Variants in MTO1 observed in about 807,000 individuals in gnomAD.
MTO1 encodes 5-taurinomethyluridine-[tRNA] synthase subunit MTO1, mitochondrial.
Under a neutral mutation model 71.6 loss-of-function variants are expected in MTO1, and 46 were observed. The observed-to-expected ratio is 0.64, with a 90% CI of 0.51 to 0.82. The LOEUF is 0.82. Ranked by LOEUF, MTO1 falls within the 40% of genes least tolerant of loss-of-function variation. MTO1 has a pLI of 0.00. For missense variants in MTO1, 773 were observed against 867.5 expected (o/e 0.89, Z 1.37); for synonymous variants, 297 against 312.1 (o/e 0.95, Z 0.51).
At chr6:73,500,551 T>A (rs1299422600) in intron 11 of MTO1, 23 bp from the exon 12 acceptor site, 1 of 1,604,396 alleles carries the variant, frequency 6.2e-7, no homozygotes, top group Non-Finnish European at 8.5e-7. Flanking sequence ...TCACTTAGTT[T>A]CTCTTGTGGT....
chr6:73,461,783 G>A lies in MTO1; in HGVS notation c.-72G>A. ...GCAAGATGGCCGCGCCCTGCAGATTGTCTCTTGTTGCGTAAGTTTTTTTGA... is the reference window on the plus strand; with the variant it reads ...GCAAGATGGCCGCGCCCTGCAGATTATCTCTTGTTGCGTAAGTTTTTTTGA... On this transcript the variant is annotated 5_prime_UTR_variant, in exon 1 of 12. Transcript: ENST00000498286. 1 of 1,506,914 alleles carries A rather than the reference G, an allele frequency of 6.6e-7. No homozygotes were observed. The highest frequency in any genetic ancestry group is 1.8e-5 in the Admixed American group (1 of 56,754). The allele number at this position is 1,506,914 out of a possible 1,614,324, so 93.3% of individuals were successfully genotyped here. A position where few individuals can be genotyped will look rare whatever the true frequency, so the allele number is the denominator to read the frequency against.
At chr6:73,486,730 C>T (rs1379725263) in intron 9 of MTO1, 3 of 260,502 alleles carry the variant, frequency 1.2e-5, no homozygotes, top group Non-Finnish European at 2.4e-5. Context: ...AAGAGTGAGA[C>T]TTCTCTCAAA....
intron 4 of MTO1, among the ~76,000 whole-genome samples, chr6:73,477,115 T>A (rs1275332167): frequency 1.4e-5 from 2 of 147,202 alleles, no homozygotes; most frequent in African/African-American, 5.0e-5. Flanking sequence ...CAGAAAAGAG[T>A]CCAGGCGCAG....
At chr6:73,494,305 T>C (rs1296917530) in intron 10 of MTO1, among the ~76,000 whole-genome samples, 29 of 151,760 alleles carry the variant, frequency 1.9e-4, no homozygotes, top group Non-Finnish European at 3.8e-4. Context: ...TGTTTTTTCA[T>C]GGGTGGAAAA....
In MTO1 at chr6:73,492,271, G is replaced by T. The variant is rs769091140; in HGVS notation, c.1675G>T (p.Asp559Tyr). The T allele has an allele frequency of 6.2e-7, 1 of 1,613,858 alleles. No homozygotes were observed. The change falls in exon 10 of 12, where the codon GAT (aspartate) becomes TAT (tyrosine). Residue 559 changes from aspartate (D) to tyrosine (Y), a missense_variant. Transcript: ENST00000498286. ...DVLKYEEVDMDSLAKAVPEPL... is the reference protein window; with the variant it reads ...DVLKYEEVDMYSLAKAVPEPL... ...TCTGAAGTATGAGGAAGTTGACATG[G>T]ATTCATTAGCCAAGGCTGTTCCAGA...
At chr6:73,488,408 A>G (rs998474225) in intron 9 of MTO1, among the ~76,000 whole-genome samples, 3 of 152,098 alleles carry the variant, frequency 2.0e-5, no homozygotes, top group Non-Finnish European at 4.4e-5. Flanking sequence ...CCTGGCCACA[A>G]TTAACTCTCC....
At chr6:73,490,439 C>A (rs142613407) in intron 9 of MTO1, among the ~76,000 whole-genome samples, 5 of 152,158 alleles carry the variant, frequency 3.3e-5, no homozygotes, top group African/African-American at 1.2e-4. Flanking sequence ...ATATTTAAGT[C>A]TTTAATCCAT....
At chr6:73,479,636 C>A in intron 4 of MTO1, 96 bp from the exon 5 acceptor site, 6 of 903,710 alleles carry the variant, frequency 6.6e-6, no homozygotes, top group South Asian at 1.7e-5. Flanking sequence ...AGTTTAGTGT[C>A]TATTAAAGTC....
chr6:73,496,874 G>GA (rs1365775548), intron 10 of MTO1, among the ~76,000 whole-genome samples: 1 of 151,730 alleles, frequency 6.6e-6, no homozygotes, highest in African/African-American at 2.4e-5. Flanking sequence ...CTAACATGGT[G>GA]AAAACCCATC....
intron 3 of MTO1, among the ~76,000 whole-genome samples, chr6:73,468,965 A>G (rs916031693): frequency 6.6e-6 from 1 of 151,522 alleles, no homozygotes; most frequent in Non-Finnish European, 1.5e-5. Flanking sequence ...CATGTACACA[A>G]CTTCCTTTAA....
At chr6:73,496,636 C>A (rs1241261588) in intron 10 of MTO1, among the ~76,000 whole-genome samples, 1 of 134,424 alleles carries the variant, frequency 7.4e-6, no homozygotes, top group African/African-American at 2.7e-5. Context: ...CCCCCTCCCC[C>A]CACCCCACAA....
At chr6:73,482,950 C>T (rs1001462819) in intron 9 of MTO1, among the ~76,000 whole-genome samples, 48 of 151,904 alleles carry the variant, frequency 3.2e-4, no homozygotes, top group African/African-American at 1.1e-3. Context: ...TGCCACCGCG[C>T]CCGGCTAATT....
chr6:73,476,912 T>G (rs9446909), intron 4 of MTO1, among the ~76,000 whole-genome samples: 10,134 of 151,588 alleles, frequency 0.067, 462 homozygotes, highest in East Asian at 0.19. Context: ...CTCAGCCTCC[T>G]CAGTAGCCGG....
At chr6:73,486,696 C>T (rs1771663065) in intron 9 of MTO1, 7 of 344,538 alleles carry the variant, frequency 2.0e-5, no homozygotes, top group South Asian at 1.5e-4. Flanking sequence ...CGAGATCAAG[C>T]CATTGCACCC....
In MTO1 at chr6:73,502,583, T is replaced by C. The variant is rs1450765423; in HGVS notation, c.*1848T>C. 1 of 151,438 alleles carries C rather than the reference T, an allele frequency of 6.6e-6. No homozygotes were observed. Among genetic ancestry groups the C allele is most frequent in the Non-Finnish European group, 1.5e-5 (1 of 68,000 alleles). 9.4% of individuals were successfully genotyped at this position (151,438 alleles called of 1,614,324 possible). A position where few individuals can be genotyped will look rare whatever the true frequency, so the allele number is the denominator to read the frequency against. ...TGAATGGAGTGCCTTTTGAATAGAA[T>C]ATAACAAAAATTTATCTTAAAGAAA... On this transcript the variant is annotated 3_prime_UTR_variant, in exon 12 of 12. Transcript: ENST00000498286.
Position 73,470,141 on chromosome 6 carries a change from T to C in MTO1, c.536-3224T>C, listed in dbSNP as rs1049322372. 1.4e-4 allele frequency among the ~76,000 whole-genome samples: 21 copies of C among 152,308 alleles called. 1 individual carries two copies. The highest frequency in any genetic ancestry group is 5.1e-4 in the African/African-American group (21 of 41,574). ...CACTAGCGTTCTGGGAACAAAATGG[T>C]AAGAGAGGCTGTGCCAGGGAGTGTC... On this transcript the variant is annotated intron_variant, in intron 3 of 11. Transcript: ENST00000498286.
chr6:73,506,421 A>G lies in MTO1; in HGVS notation c.*5686A>G, dbSNP rs1235500078. The G allele has an allele frequency of 2.6e-5, 4 of 152,240 alleles. No homozygotes were observed. Among genetic ancestry groups the G allele is most frequent in the African/African-American group, 9.7e-5 (4 of 41,406 alleles). The allele number at this position is 152,240 out of a possible 1,614,324, so 9.4% of individuals were successfully genotyped here. A position where few individuals can be genotyped will look rare whatever the true frequency, so the allele number is the denominator to read the frequency against. ...AATTGAATCACAAGGGCCGGTTTTT[A>G]CCATGCTTTCTTGTGATAGTGAATA... is the stretch of plus-strand genomic sequence containing the variant. On this transcript the variant is annotated 3_prime_UTR_variant, in exon 12 of 12. Transcript: ENST00000498286.
intron 11 of MTO1, among the ~76,000 whole-genome samples, chr6:73,499,764 A>G (rs1454223535): frequency 6.6e-6 from 1 of 152,204 alleles, no homozygotes; most frequent in East Asian, 1.9e-4. Context: ...CTCTGGCAGA[A>G]GTTTGCCACA....
chr6:73,486,731 TTC>T (rs1006484375), intron 9 of MTO1: 11 of 260,356 alleles, frequency 4.2e-5, no homozygotes, highest in Non-Finnish European at 8.7e-5. Flanking sequence ...AGAGTGAGAC[TTC>T]TCTCAAAAAA....
Sources: gnomAD v4.1 joint callset for allele counts (sites outside exome capture counted in the v4.1 genomes callset) on GRCh38, gnomAD v4.1.1 for gene constraint, MANE v1.5 for transcripts, NCBI Gene and HGNC (gene_info 2026-07-23, HGNC 2026-07-21) for gene names.